The following CTNNA2 variants were observed in gnomAD, a reference collection of about 807,000 sequenced individuals.
CTNNA2 encodes catenin alpha-2.
A neutral mutation model predicts 101.0 loss-of-function variants in CTNNA2; 42 were observed. The observed-to-expected ratio is 0.42, with a 90% CI of 0.32 to 0.54. CTNNA2 has a LOEUF of 0.54. Ranked by LOEUF, CTNNA2 falls within the 20% of genes least tolerant of loss-of-function variation. The pLI, the probability that CTNNA2 is intolerant of heterozygous loss-of-function variation, is 0.14. For synonymous variants in CTNNA2, 450 were observed against 456.4 expected (o/e 0.99, Z 0.18); for missense variants, 871 against 1,223.1 (o/e 0.71, Z 4.29).
chr2:80,563,884 T>C (rs1473218377), intron 12 of CTNNA2, among the ~76,000 whole-genome samples: 1 of 152,208 alleles, frequency 6.6e-6, no homozygotes, highest in Admixed American at 6.6e-5. Flanking sequence ...TACGTTTATA[T>C]CTGTCCTAGT....
chr2:80,202,985 G>A (rs1707300775), intron 7 of CTNNA2, among the ~76,000 whole-genome samples: 1 of 152,180 alleles, frequency 6.6e-6, no homozygotes, highest in Non-Finnish European at 1.5e-5. Context: ...TTACATGGAT[G>A]GCAGCAGACA....
At chr2:80,419,673 C>A in intron 9 of CTNNA2, 72 bp downstream of exon 9, 1 of 1,438,964 alleles carries the variant, frequency 6.9e-7, no homozygotes, top group Non-Finnish European at 9.5e-7. Flanking sequence ...CTTAGAATTT[C>A]ACTAGAGAGA....
At chr2:80,020,520 A>T (rs1207709384) in intron 7 of CTNNA2, among the ~76,000 whole-genome samples, 1 of 152,246 alleles carries the variant, frequency 6.6e-6, no homozygotes, top group Non-Finnish European at 1.5e-5. Context: ...GGACCAGATC[A>T]TGATTATCAA....
At chr2:80,167,606 A>G (rs1453897151) in intron 7 of CTNNA2, among the ~76,000 whole-genome samples, 1 of 152,236 alleles carries the variant, frequency 6.6e-6, no homozygotes, top group East Asian at 1.9e-4. Flanking sequence ...TGAGGGTACC[A>G]GTGTTAAAGA....
intron 2 of CTNNA2, among the ~76,000 whole-genome samples, chr2:79,674,979 C>T (rs1282970939): frequency 6.6e-6 from 1 of 152,148 alleles, no homozygotes; most frequent in Non-Finnish European, 1.5e-5. Context: ...GACATGTTGA[C>T]ATTGGCTTTC....
At chr2:80,384,664 G>C (rs1021860501) in intron 7 of CTNNA2, among the ~76,000 whole-genome samples, 8 of 151,574 alleles carry the variant, frequency 5.3e-5, no homozygotes, top group Non-Finnish European at 1.5e-5. Context: ...CTTTTTGATG[G>C]GTGGTTTCTC....
intron 3 of CTNNA2, among the ~76,000 whole-genome samples, chr2:79,826,978 C>T (rs1218134369): frequency 6.6e-6 from 1 of 152,156 alleles, no homozygotes; most frequent in Non-Finnish European, 1.5e-5. Context: ...ATCCACATGG[C>T]ATTTTTCAAG....
chr2:80,356,121 G>A (rs1673771868), intron 7 of CTNNA2, among the ~76,000 whole-genome samples: 1 of 152,100 alleles, frequency 6.6e-6, no homozygotes, highest in African/African-American at 2.4e-5. Context: ...AGCCTGCAGA[G>A]CAATAAGATA....
At chr2:80,118,843 C>G (rs1701672008) in intron 7 of CTNNA2, among the ~76,000 whole-genome samples, 1 of 152,250 alleles carries the variant, frequency 6.6e-6, no homozygotes, top group South Asian at 2.1e-4. Context: ...AAGAGCCTAT[C>G]CAGGCCTGAT....
intron 7 of CTNNA2, among the ~76,000 whole-genome samples, chr2:79,948,934 C>G (rs78901847): frequency 0.012 from 1,887 of 152,084 alleles, 94 homozygotes; most frequent in Admixed American, 0.094. Flanking sequence ...TGCCACTGCA[C>G]TCCAGCCTGG....
At chr2:79,972,383 T>C (rs1487914858) in intron 7 of CTNNA2, among the ~76,000 whole-genome samples, 1 of 152,178 alleles carries the variant, frequency 6.6e-6, no homozygotes, top group Non-Finnish European at 1.5e-5. Flanking sequence ...GTGGTGAGTA[T>C]AAACATGCTG....
intron 13 of CTNNA2, among the ~76,000 whole-genome samples, chr2:80,580,015 A>G (rs1265175638): frequency 6.6e-6 from 1 of 152,162 alleles, no homozygotes; most frequent in Non-Finnish European, 1.5e-5. Flanking sequence ...GGCTAATCTC[A>G]CACTGATTCA....
At chr2:79,638,723 T>G (rs2104405537) in intron 1 of CTNNA2, among the ~76,000 whole-genome samples, 1 of 152,316 alleles carries the variant, frequency 6.6e-6, no homozygotes, top group Admixed American at 6.5e-5. Context: ...CTTAATTCCT[T>G]TTTAACTCAC....
At chr2:80,055,055 C>A (rs1397996817) in intron 7 of CTNNA2, among the ~76,000 whole-genome samples, 1 of 152,110 alleles carries the variant, frequency 6.6e-6, no homozygotes, top group African/African-American at 2.4e-5. Context: ...GAGACAAGGT[C>A]TCACTCTGTG....
intron 4 of CTNNA2, among the ~76,000 whole-genome samples, chr2:79,501,948 T>C (rs781205353): frequency 4.6e-5 from 7 of 150,620 alleles, no homozygotes; most frequent in Non-Finnish European, 7.4e-5. Context: ...TAGTCTCCCA[T>C]ATTCAAGGAT....
At chr2:80,016,449 T>G (rs1171009909) in intron 7 of CTNNA2, among the ~76,000 whole-genome samples, 1 of 152,060 alleles carries the variant, frequency 6.6e-6, no homozygotes, top group Non-Finnish European at 1.5e-5. Flanking sequence ...AGTCAGCCAG[T>G]GAGAAAGTGG....
intron 7 of CTNNA2, among the ~76,000 whole-genome samples, chr2:80,025,732 A>T (rs997889769): frequency 6.6e-6 from 1 of 152,168 alleles, no homozygotes; most frequent in African/African-American, 2.4e-5. Flanking sequence ...GGAAGTAGTG[A>T]CAGCTTGTGC....
At chr2:80,027,228 G>T (rs1386224762) in intron 7 of CTNNA2, among the ~76,000 whole-genome samples, 1 of 152,170 alleles carries the variant, frequency 6.6e-6, no homozygotes. Flanking sequence ...GAATGGCATG[G>T]GGAGGGGACC....
At chr2:79,196,211 C>G (rs746547455) in intron 1 of CTNNA2, among the ~76,000 whole-genome samples, 1 of 152,158 alleles carries the variant, frequency 6.6e-6, no homozygotes, top group Non-Finnish European at 1.5e-5. Flanking sequence ...GGATTATAGG[C>G]ATAAGCCACC....
Sources: allele counts gnomAD v4.1 joint callset (sites outside exome capture counted in the v4.1 genomes callset), GRCh38; gene constraint gnomAD v4.1.1; transcripts MANE v1.5; gene names NCBI Gene and HGNC (gene_info 2026-07-23, HGNC 2026-07-21).